Variants in TMEM230 observed in about 807,000 individuals in gnomAD.
TMEM230 encodes transmembrane protein 230, also known as UPF0414 transmembrane protein C20orf30.
In TMEM230, 10 loss-of-function variants were observed where a neutral mutation model predicts 15.8. The observed-to-expected ratio is 0.63, with a 90% CI of 0.39 to 1.07. The LOEUF is 1.07. TMEM230 is among the 50% of genes least tolerant of loss of function. The pLI is 0.01. For synonymous variants in TMEM230, 67 were observed against 76.9 expected (o/e 0.87, Z 0.68); for missense variants, 165 against 193.3 (o/e 0.85, Z 0.87).
chr20:5,089,970 C>T (rs759490401), intron 3 of TMEM230, among the ~76,000 whole-genome samples: 2 of 151,996 alleles, frequency 1.3e-5, no homozygotes, highest in African/African-American at 2.4e-5. Flanking sequence ...AGTGGGCTAT[C>T]GTGCCACTGC....
At chr20:5,084,226 AT>A (rs71332870) in intron 3 of TMEM230, among the ~76,000 whole-genome samples, 208 of 142,364 alleles carry the variant, frequency 1.5e-3, no homozygotes, top group African/African-American at 1.6e-3. Flanking sequence ...TTCTATTTTA[AT>A]TTTTTTTTTT....
chr20:5,081,170 AGAG>A (rs1329948795), intron 3 of TMEM230, among the ~76,000 whole-genome samples: 1 of 152,240 alleles, frequency 6.6e-6, no homozygotes, highest in African/African-American at 2.4e-5. Flanking sequence ...ATGCAGAGAA[AGAG>A]GAGAATTAGA....
At chr20:5,086,726 G>GTTTTTTTTTTTTTTTTTTT in intron 3 of TMEM230, among the ~76,000 whole-genome samples, 1 of 148,202 alleles carries the variant, frequency 6.7e-6, no homozygotes. Flanking sequence ...TTGAGGTAGG[G>GTTTTTTTTTTTTTTTTTTT]TCTTGCTCTG....
chr20:5,112,754 C>A, intron 1 of TMEM230: 6 of 1,463,024 alleles, frequency 4.1e-6, no homozygotes, highest in Non-Finnish European at 5.4e-6. Context: ...CGTCTTCAGA[C>A]CTTGCCAGGG....
At position 5,105,162 on chromosome 20, in the gene TMEM230, A is replaced by G. The variant is rs114661461; in HGVS notation, c.411+1026T>C. Among the ~76,000 whole-genome samples the G allele has an allele frequency of 9.9e-3, 1,514 of 152,168 alleles. 33 individuals carry two copies. The highest frequency in any genetic ancestry group is 0.035 in the African/African-American group (1,439 of 41,502). On this transcript the variant is annotated intron_variant, in intron 4 of 4. Coordinates refer to ENST00000342308, the MANE Select transcript of TMEM230 (RefSeq NM_001009923.2). ...AAGCCAAGTGTGCTGGCTTGCCACCATAGTCCCAGCTAACTCAGGAGGCTG... is the reference window on the plus strand; with the variant it reads ...AAGCCAAGTGTGCTGGCTTGCCACCGTAGTCCCAGCTAACTCAGGAGGCTG...
In TMEM230 at chr20:5,112,637, C is replaced by A. The variant is rs373170315; in HGVS notation, c.68+324G>T. The A allele has an allele frequency of 7.4e-5, 95 of 1,283,796 alleles. 2 individuals carry two copies. The South Asian group carries it at 7.6e-4, about 10-fold the overall frequency. The allele number at this position is 1,283,796 out of a possible 1,614,324, so 79.5% of individuals were successfully genotyped here. A position where few individuals can be genotyped will look rare whatever the true frequency, so the allele number is the denominator to read the frequency against. On this transcript the variant is annotated intron_variant, in intron 1 of 4. Transcript: ENST00000342308. ...GCTTTTTACCAGCTCACCGCTACCC[C>A]CAAACTCCCTCAGCACCTGAATGTT...
intron 3 of TMEM230, among the ~76,000 whole-genome samples, chr20:5,076,863 A>T (rs2089018965): frequency 1.3e-5 from 2 of 151,468 alleles, no homozygotes. Context: ...TTTTTAGTAC[A>T]GACGGGGTTT....
At chr20:5,087,571 T>C (rs2089379764) in intron 3 of TMEM230, among the ~76,000 whole-genome samples, 1 of 149,688 alleles carries the variant, frequency 6.7e-6, no homozygotes, top group African/African-American at 2.4e-5. Context: ...CTACAACCTC[T>C]ACCTCCTCTC....
intron 3 of TMEM230, among the ~76,000 whole-genome samples, chr20:5,078,866 T>C (rs1266273005): frequency 7.2e-5 from 11 of 151,982 alleles, no homozygotes; most frequent in Non-Finnish European, 1.6e-4. Flanking sequence ...CATGGTTCCC[T>C]GCAGCCTCAA....
At chr20:5,103,952 G>A (rs929551049) in intron 4 of TMEM230, among the ~76,000 whole-genome samples, 5 of 151,992 alleles carry the variant, frequency 3.3e-5, no homozygotes, top group African/African-American at 9.7e-5. Context: ...GATCACATCC[G>A]GTTAAAAAGC....
intron 4 of TMEM230, among the ~76,000 whole-genome samples, chr20:5,102,329 A>G (rs1421646759): frequency 6.6e-6 from 1 of 152,224 alleles, no homozygotes; most frequent in Non-Finnish European, 1.5e-5. Flanking sequence ...TAAGGCCATA[A>G]TAAAAAGTCT....
chr20:5,106,264 G>A lies in TMEM230; in HGVS notation c.335C>T (p.Ala112Val). 6.2e-7 allele frequency: 1 copy of A among 1,614,090 alleles called. No homozygotes were observed. The highest frequency in any genetic ancestry group is 8.5e-7 in the Non-Finnish European group (1 of 1,179,992). The change falls in exon 4 of 5, where the codon GCC becomes GTC. Residue 112 changes from alanine (A) to valine (V), a missense_variant. Coordinates refer to ENST00000342308, the MANE Select transcript of TMEM230 (RefSeq NM_001009923.2). ...GGCGCCAATCAAAAACAGCACAGTGGCAAGTGCGATGGCCTTATAAGGGAT... is the reference window on the plus strand; with the variant it reads ...GGCGCCAATCAAAAACAGCACAGTGACAAGTGCGATGGCCTTATAAGGGAT...
At chr20:5,105,567 A>G (rs931833804) in intron 4 of TMEM230, among the ~76,000 whole-genome samples, 2 of 151,838 alleles carry the variant, frequency 1.3e-5, no homozygotes, top group Non-Finnish European at 2.9e-5. Flanking sequence ...CTCCAGCCTG[A>G]CTCTGTCTCA....
intron 3 of TMEM230, among the ~76,000 whole-genome samples, chr20:5,085,771 G>T (rs1296651139): frequency 1.3e-5 from 2 of 152,148 alleles, no homozygotes; most frequent in Admixed American, 1.3e-4. Flanking sequence ...TGAAGAGAAG[G>T]GCTGGACCCC....
chr20:5,073,897 T>A (rs1281767986), intron 3 of TMEM230, among the ~76,000 whole-genome samples: 1 of 152,178 alleles, frequency 6.6e-6, no homozygotes, highest in African/African-American at 2.4e-5. Context: ...GGCTCACAGT[T>A]CTGCAAGCTC....
At chr20:5,096,431 T>C (rs6053108), downstream of TMEM230, among the ~76,000 whole-genome samples, 82,851 of 152,072 alleles carry the variant, frequency 0.54, 23,113 homozygotes, top group East Asian at 0.84. Flanking sequence ...CCTATGGGAC[T>C]GAATCTAGGA....
At chr20:5,076,676 CT>C (rs763498321) in intron 3 of TMEM230, among the ~76,000 whole-genome samples, 297 of 127,458 alleles carry the variant, frequency 2.3e-3, no homozygotes, top group Middle Eastern at 4.0e-3. Context: ...GATTGATATT[CT>C]TTTTTTTTTT....
chr20:5,109,095 G>A, intron 3 of TMEM230: 1 of 346,098 alleles, frequency 2.9e-6, no homozygotes, highest in Non-Finnish European at 5.2e-6. Context: ...GTAACTACAA[G>A]GCTCTCGCAT....
chr20:5,112,832 C>G (rs1336937389), intron 1 of TMEM230, 129 bp downstream of exon 1: 1 of 1,529,264 alleles, frequency 6.5e-7, no homozygotes, highest in Non-Finnish European at 8.8e-7. Flanking sequence ...AAGAGGCCAA[C>G]TGTGCCAGGG....
Sources: gnomAD v4.1 joint callset for allele counts (sites outside exome capture counted in the v4.1 genomes callset) on GRCh38, gnomAD v4.1.1 for gene constraint, MANE v1.5 for transcripts, NCBI Gene and HGNC (gene_info 2026-07-23, HGNC 2026-07-21) for gene names.